The following DLG2 variants were observed in gnomAD, a reference collection of about 807,000 sequenced individuals.
DLG2 encodes the protein discs large MAGUK scaffold protein 2, also known as disks large homolog 2.
DLG2 carries 45 observed loss-of-function variants against 132.5 expected under a neutral mutation model. The observed-to-expected ratio is 0.34, with a 90% CI of 0.27 to 0.44. The LOEUF is 0.44. Among genes scored for constraint, DLG2 ranks in the 20% least tolerant of loss-of-function variants. The pLI is 1.00. For synonymous variants in DLG2, 424 were observed against 419.6 expected, an observed-to-expected ratio of 1.01 and a Z score of -0.13; for missense variants, 1,045 against 1,196.9, an observed-to-expected ratio of 0.87 and a Z score of 1.87.
chr11:85,360,252 A>G (rs1251941253), intron 3 of DLG2, among the ~76,000 whole-genome samples: 1 of 152,218 alleles, frequency 6.6e-6, no homozygotes, highest in Non-Finnish European at 1.5e-5. Flanking sequence ...TATAGGCTGT[A>G]ATGTCTGAAA....
intron 6 of DLG2, among the ~76,000 whole-genome samples, chr11:84,726,440 A>G (rs2062463564): frequency 1.3e-5 from 2 of 152,056 alleles, no homozygotes; most frequent in African/African-American, 2.4e-5. Flanking sequence ...CAAAGGACAT[A>G]AAGTCACCCT....
At chr11:83,933,072 G>A (rs1004698467) in intron 14 of DLG2, among the ~76,000 whole-genome samples, 3 of 152,116 alleles carry the variant, frequency 2.0e-5, no homozygotes, top group Admixed American at 6.5e-5. Context: ...GTCTTTCCCT[G>A]CAGTTATATT....
At chr11:85,347,026 A>G (rs1159767648) in intron 3 of DLG2, among the ~76,000 whole-genome samples, 1 of 152,170 alleles carries the variant, frequency 6.6e-6, no homozygotes, top group African/African-American at 2.4e-5. Context: ...GCAACCACAC[A>G]TAAAAAGGAA....
At chr11:84,964,970 T>A (rs140668453) in intron 6 of DLG2, among the ~76,000 whole-genome samples, 8 of 152,138 alleles carry the variant, frequency 5.3e-5, no homozygotes, top group Admixed American at 1.3e-4. Flanking sequence ...TTCATATCCA[T>A]GTCCTCAGCT....
intron 4 of DLG2, among the ~76,000 whole-genome samples, chr11:85,214,487 C>T (rs2082452902): frequency 6.6e-6 from 1 of 152,148 alleles, no homozygotes; most frequent in Non-Finnish European, 1.5e-5. Context: ...CCAATATATA[C>T]TCCACTGTGG....
chr11:85,263,511 A>T (rs1011193068), intron 4 of DLG2, among the ~76,000 whole-genome samples: 2 of 152,228 alleles, frequency 1.3e-5, no homozygotes, highest in Non-Finnish European at 2.9e-5. Flanking sequence ...TGGGCAAGAC[A>T]GCAAAACCTG....
chr11:84,008,380 A>C (rs2094688620), intron 11 of DLG2, among the ~76,000 whole-genome samples: 1 of 151,968 alleles, frequency 6.6e-6, no homozygotes, highest in African/African-American at 2.4e-5. Context: ...GCACAATTCC[A>C]AATGTAACAG....
intron 8 of DLG2, among the ~76,000 whole-genome samples, chr11:84,194,127 G>A (rs561581087): frequency 9.9e-5 from 15 of 152,274 alleles, no homozygotes; most frequent in Admixed American, 2.0e-4. Flanking sequence ...TCAATCTTTC[G>A]ATGATCATAA....
In DLG2 at chr11:84,501,489, C is replaced by T. The variant is rs187451019; in HGVS notation, c.519+33081G>A. Among the ~76,000 whole-genome samples the T allele has an allele frequency of 1.4e-4, 21 of 152,236 alleles. No individual in the cohort carries two copies. In the South Asian group the frequency reaches 1.9e-3, roughly 14 times the overall value. On this transcript the variant is annotated intron_variant, in intron 7 of 27. Coordinates refer to ENST00000376104, the MANE Select transcript of DLG2 (RefSeq NM_001142699.3). ...CTGAGGCAGGAAAATTGCTTGAACCCGGGAAGATGGACGGTGGAGTGAGCT... is the reference window on the plus strand; with the variant it reads ...CTGAGGCAGGAAAATTGCTTGAACCTGGGAAGATGGACGGTGGAGTGAGCT...
At chr11:83,831,832 A>G (rs1453253287) in intron 17 of DLG2, among the ~76,000 whole-genome samples, 1 of 152,182 alleles carries the variant, frequency 6.6e-6, no homozygotes, top group African/African-American at 2.4e-5. Flanking sequence ...GATTTACCCT[A>G]TCATACTAAG....
intron 7 of DLG2, among the ~76,000 whole-genome samples, chr11:84,288,435 A>G (rs190272220): frequency 6.6e-6 from 1 of 152,268 alleles, no homozygotes; most frequent in East Asian, 1.9e-4. Context: ...GGCAATAAGA[A>G]GCTATGAAGA....
intron 18 of DLG2, among the ~76,000 whole-genome samples, chr11:83,753,447 C>A (rs1354586938): frequency 1.3e-5 from 2 of 151,408 alleles, no homozygotes; most frequent in East Asian, 1.9e-4. Context: ...AAACAAAAAA[C>A]CAAAACCAAA....
At chr11:85,338,251 G>T (rs903670531) in intron 3 of DLG2, among the ~76,000 whole-genome samples, 1 of 152,078 alleles carries the variant, frequency 6.6e-6, no homozygotes, top group Non-Finnish European at 1.5e-5. Flanking sequence ...ATAAATAGTA[G>T]CAACCAAGTA....
intron 16 of DLG2, among the ~76,000 whole-genome samples, chr11:83,848,499 T>G (rs6592149): frequency 7.2e-5 from 11 of 152,182 alleles, no homozygotes; most frequent in Admixed American, 3.9e-4. Context: ...TTATCTGGGT[T>G]AATTGTGTCT....
chr11:83,636,849 T>G (rs538673815), intron 18 of DLG2, among the ~76,000 whole-genome samples: 3 of 152,318 alleles, frequency 2.0e-5, no homozygotes, highest in Admixed American at 1.3e-4. Flanking sequence ...TTATACTGCA[T>G]TTGCCTTAAT....
At chr11:84,168,318 T>A (rs866840894) in intron 8 of DLG2, among the ~76,000 whole-genome samples, 2 of 152,240 alleles carry the variant, frequency 1.3e-5, no homozygotes, top group Admixed American at 6.5e-5. Flanking sequence ...TTTACATAGA[T>A]TAAGTCAGTA....
chr11:83,999,893 A>C (rs2094252122), intron 11 of DLG2, among the ~76,000 whole-genome samples: 1 of 152,168 alleles, frequency 6.6e-6, no homozygotes, highest in Non-Finnish European at 1.5e-5. Flanking sequence ...AGCAAATTAA[A>C]AAAATGAGAA....
At chr11:84,625,095 C>T (rs1019910800) in intron 6 of DLG2, among the ~76,000 whole-genome samples, 1 of 151,388 alleles carries the variant, frequency 6.6e-6, no homozygotes, top group Non-Finnish European at 1.5e-5. Context: ...CTCCTGACCT[C>T]GTGATCCGCC....
At chr11:85,331,307 T>C (rs141969149) in intron 3 of DLG2, among the ~76,000 whole-genome samples, 2 of 152,312 alleles carry the variant, frequency 1.3e-5, no homozygotes, top group Non-Finnish European at 2.9e-5. Flanking sequence ...AAGTTCAATA[T>C]ATATACCTCT....
Sources: gnomAD v4.1 joint callset for allele counts (sites outside exome capture counted in the v4.1 genomes callset) on GRCh38, gnomAD v4.1.1 for gene constraint, MANE v1.5 for transcripts, NCBI Gene and HGNC (gene_info 2026-07-23, HGNC 2026-07-21) for gene names.